ACAN: variants seen among roughly 807,000 people sequenced by gnomAD.
The protein encoded by ACAN is aggrecan core protein.
In ACAN, 47 loss-of-function variants were observed where a neutral mutation model predicts 169.1. The observed-to-expected ratio is 0.28, with a 90% CI of 0.22 to 0.35. The LOEUF (loss-of-function observed/expected upper bound fraction) is 0.35, where lower values mean the gene tolerates loss of function less well. ACAN is among the 10% of genes least tolerant of loss of function. The probability of loss-of-function intolerance (pLI) is 1.00; values close to 1 mark genes in which losing one functional copy is unlikely to be tolerated. For missense variants in ACAN, 2,716 were observed against 2,759.9 expected (o/e 0.98, Z 0.36); for synonymous variants, 1,115 against 1,112.2 (o/e 1.00, Z -0.05).
chr15:88,812,102 G>C (rs150449921), intron 1 of ACAN, among the ~76,000 whole-genome samples: 2,575 of 152,286 alleles, frequency 0.017, 26 homozygotes, highest in Non-Finnish European at 0.027. Flanking sequence ...GGCTTCATTA[G>C]CGAAGGAGGA....
rs1897334742 is a variant in ACAN at position 88,869,520 on chromosome 15, T to C, written c.7060+1191T>C. 6.6e-6 allele frequency among the ~76,000 whole-genome samples: 1 copy of C among 152,184 alleles called. No individual in the cohort carries two copies. Among genetic ancestry groups the C allele is most frequent in the Non-Finnish European group, 1.5e-5 (1 of 68,028 alleles). ...CCCCAAGAAATTGGTATATGGGGTC[T>C]TGGCTGGGGTGGAAGCAGAGACTAC... On this transcript the variant is annotated intron_variant, in intron 14 of 18. Transcript: ENST00000560601. The surrounding 1 kb of genome is among the most constrained non-coding windows in gnomAD (Gnocchi z 4.2).
intron 10 of ACAN, chr15:88,850,943 C>CAAA (rs553780362): frequency 2.5e-4 from 26 of 106,080 alleles, no homozygotes; most frequent in Admixed American, 7.2e-4. Flanking sequence ...GACTCTGTCT[C>CAAA]AAAAAAAAAA....
At position 88,851,723 on chromosome 15, in the gene ACAN, C is replaced by T. The variant is rs1896933523; in HGVS notation, c.2027-71C>T. The T allele has an allele frequency of 6.7e-7, 1 of 1,484,896 alleles. No homozygotes were observed. Among genetic ancestry groups the T allele is most frequent in the Non-Finnish European group, 9.0e-7 (1 of 1,112,808 alleles). The allele number at this position is 1,484,896 out of a possible 1,614,324, so 92.0% of individuals were successfully genotyped here. On this transcript the variant is annotated intron_variant, in intron 10 of 18. Transcript: ENST00000560601. The surrounding 1 kb of genome is among the most constrained non-coding windows in gnomAD (Gnocchi z 4.3). Reference sequence around the variant, plus strand: ...CACCTCAGAGTCCCCTAGCTCCCCTCAAGAAGGGCCAGCCAAGGACGGGTC... The same window carrying T: ...CACCTCAGAGTCCCCTAGCTCCCCTTAAGAAGGGCCAGCCAAGGACGGGTC...
intron 11 of ACAN, among the ~76,000 whole-genome samples, chr15:88,853,753 GAT>G (rs1357322991): frequency 6.7e-6 from 1 of 150,062 alleles, no homozygotes. Context: ...TAGATAGATA[GAT>G]ACATACATAC....
In ACAN at chr15:88,831,156, A is replaced by T. The variant is rs140022608; in HGVS notation, c.-7-5044A>T. On this transcript the variant is annotated intron_variant, in intron 1 of 18. Transcript: ENST00000560601. ...TCACCGAACACAAAATTTGAAAGAG[A>T]TGCATAAAATGGACTCTGGCCGGCT... is the stretch of plus-strand genomic sequence containing the variant. Among the ~76,000 whole-genome samples, 241 of 152,360 alleles carry T rather than the reference A, an allele frequency of 1.6e-3. 1 individual carries two copies. Among genetic ancestry groups the T allele is most frequent in the African/African-American group, 5.5e-3 (230 of 41,584 alleles).
intron 1 of ACAN, among the ~76,000 whole-genome samples, chr15:88,822,524 T>C (rs974349928): frequency 6.6e-6 from 1 of 151,742 alleles, no homozygotes; most frequent in African/African-American, 2.4e-5. Context: ...TGGAGTGCAA[T>C]GGCGTGATCT....
intron 13 of ACAN, among the ~76,000 whole-genome samples, chr15:88,865,666 A>G (rs1022005777): frequency 4.6e-5 from 7 of 151,496 alleles, no homozygotes; most frequent in Non-Finnish European, 1.0e-4. Context: ...CCCTCCCTCC[A>G]CTTGCAAGCT....
chr15:88,845,460 G>C, intron 6 of ACAN, 45 bp from the exon 7 acceptor site: 2 of 1,552,598 alleles, frequency 1.3e-6, no homozygotes, highest in Non-Finnish European at 1.7e-6. Context: ...CCCTCAAGCC[G>C]GTCCCAGGCT....
Position 88,854,947 on chromosome 15 carries a change from T to C in ACAN, c.2362T>C (p.Ser788Pro). ...AGTGCCCTCTGCCTCAGAGGAACCATCCCCCTCAGAGGTGCCATTCCCCTC... is the reference window on the plus strand; with the variant it reads ...AGTGCCCTCTGCCTCAGAGGAACCACCCCCCTCAGAGGTGCCATTCCCCTC... ...TEVPSASEEP[S>P]PSEVPFPSEE... Residue 788 changes from serine (S) to proline (P), a missense_variant, in exon 12 of 19, where the codon TCC becomes CCC. Coordinates refer to ENST00000560601, the MANE Select transcript of ACAN (RefSeq NM_001369268.1). 1 of 1,594,036 alleles carries C rather than the reference T, an allele frequency of 6.3e-7. No individual in the cohort carries two copies. The highest frequency in any genetic ancestry group is 8.5e-7 in the Non-Finnish European group (1 of 1,171,404).
Position 88,874,997 on chromosome 15 carries a change from T to TA in ACAN, c.*517dup, listed in dbSNP as rs1476593159. 1.6e-5 allele frequency: 4 copies of TA among 243,310 alleles called. No homozygotes were observed. The East Asian group carries it at 3.1e-4, about 19-fold the overall frequency. The allele number at this position is 243,310 out of a possible 1,614,324, so 15.1% of individuals were successfully genotyped here. ...TTGGATGAGAAGGAGCCAGGAGGGC[T>TA]ACACCATCTGTATGAGGGAAAAGCC... On this transcript the variant is annotated 3_prime_UTR_variant, in exon 19 of 19. Coordinates refer to ENST00000560601, the MANE Select transcript of ACAN (RefSeq NM_001369268.1). The surrounding 1 kb of genome is among the most constrained non-coding windows in gnomAD (Gnocchi z 7.3).
chr15:88,852,455 C>T (rs530768583), intron 11 of ACAN, among the ~76,000 whole-genome samples: 5 of 152,268 alleles, frequency 3.3e-5, no homozygotes, highest in South Asian at 2.1e-4. Context: ...CTGACTGTGA[C>T]CTGTCTCCTT....
chr15:88,861,974 C>G lies in ACAN; in HGVS notation c.6946+1535C>G, dbSNP rs1897203042. Among the ~76,000 whole-genome samples, 1 of 152,176 alleles carries G rather than the reference C, an allele frequency of 6.6e-6. No homozygotes were observed. Among genetic ancestry groups the G allele is most frequent in the African/African-American group, 2.4e-5 (1 of 41,440 alleles). ...TCTGTAAGCAGCTTGGTAACTACCC[C>G]CATTTGAGACTGGAACTCAGAGGAG... is the stretch of plus-strand genomic sequence containing the variant. On this transcript the variant is annotated intron_variant, in intron 13 of 18. Coordinates refer to ENST00000560601, the MANE Select transcript of ACAN (RefSeq NM_001369268.1). This position sits in a 1 kb window ranked among gnomAD's most constrained non-coding sequence, Gnocchi z 6.3.
In ACAN at chr15:88,843,365, T is replaced by C; in HGVS notation, c.768T>C (p.Phe256=). ...CFAEEMEGEV[F]YATSPEKFTF... The stretch of plus-strand genomic sequence containing the variant: ...CTGTGTCCTTCACAGGTGAGGTCTT[T>C]TATGCAACATCTCCAGAGAAGTTCA... Residue 256 remains phenylalanine (F), a synonymous_variant, in exon 6 of 19, where the codon TTT becomes TTC. Coordinates refer to ENST00000560601, the MANE Select transcript of ACAN (RefSeq NM_001369268.1). The surrounding 1 kb of genome is among the most constrained non-coding windows in gnomAD (Gnocchi z 4.0). The C allele has an allele frequency of 6.3e-7, 1 of 1,579,040 alleles. No individual in the cohort carries two copies. The highest frequency in any genetic ancestry group is 8.6e-7 in the Non-Finnish European group (1 of 1,156,910).
intron 1 of ACAN, among the ~76,000 whole-genome samples, chr15:88,819,109 A>C (rs1329027082): frequency 6.6e-6 from 1 of 152,162 alleles, no homozygotes; most frequent in Non-Finnish European, 1.5e-5. Flanking sequence ...GAGGCTATTA[A>C]GCACTATAAT....
At chr15:88,852,317 T>C (rs916236078) in intron 11 of ACAN, among the ~76,000 whole-genome samples, 1 of 152,184 alleles carries the variant, frequency 6.6e-6, no homozygotes, top group African/African-American at 2.4e-5. Flanking sequence ...CCCAGGACTG[T>C]GCTGATGAGA....
At position 88,855,466 on chromosome 15, in the gene ACAN, G is replaced by A. The variant is rs776772838; in HGVS notation, c.2881G>A (p.Glu961Lys). Residue 961 changes from glutamate (E) to lysine (K), a missense_variant, in exon 12 of 19, where the codon GAA becomes AAA. Physicochemically the swap from Glu to Lys is moderately conservative, Grantham distance 56. Transcript: ENST00000560601. ...GGATCTCAGTGGACTTCCTTCTGGA[G>A]AAGTTCTAGAGACCTCTGCCTCTGG... is the stretch of plus-strand genomic sequence containing the variant. ...VGDLSGLPSGEVLETSASGVG... is the reference protein window; with the variant it reads ...VGDLSGLPSGKVLETSASGVG... 6 of 1,613,474 alleles carry A rather than the reference G, an allele frequency of 3.7e-6. No individual in the cohort carries two copies. The highest frequency in any genetic ancestry group is 1.3e-5 in the African/African-American group (1 of 75,010).
rs1015080 is a variant in ACAN, at chr15:88,839,617, A to G, written c.455-395A>G. 0.097 allele frequency among the ~76,000 whole-genome samples: 14,840 copies of G among 152,278 alleles called. 769 individuals are homozygous for G. Among genetic ancestry groups the G allele is most frequent in the East Asian group, 0.12 (647 of 5,176 alleles). On this transcript the variant is annotated intron_variant, in intron 3 of 18. Transcript: ENST00000560601. This position sits in a 1 kb window ranked among gnomAD's most constrained non-coding sequence, Gnocchi z 4.5. ...TCAAAGACAGTTCACTCCTGGGCAC[A>G]CCTTAAATGAGGTTTCCACTAGGGT...
intron 9 of ACAN, 112 bp downstream of exon 9, chr15:88,848,150 A>C: frequency 6.9e-7 from 1 of 1,450,762 alleles, no homozygotes; most frequent in Non-Finnish European, 9.3e-7. Flanking sequence ...CCCTGATTCC[A>C]CCCAGCTTTC....
chr15:88,813,998 A>C (rs961345139), intron 1 of ACAN, among the ~76,000 whole-genome samples: 1 of 152,196 alleles, frequency 6.6e-6, no homozygotes, highest in African/African-American at 2.4e-5. Flanking sequence ...ATTTATTCCT[A>C]GTTCCCCTCC....
Sources: allele counts gnomAD v4.1 joint callset (sites outside exome capture counted in the v4.1 genomes callset), GRCh38; gene constraint gnomAD v4.1.1; non-coding constraint Gnocchi (gnomAD v3.1); transcripts MANE v1.5; gene names NCBI Gene and HGNC (gene_info 2026-07-23, HGNC 2026-07-21).